DYRK1A: variants seen among roughly 807,000 people sequenced by gnomAD.
DYRK1A encodes dual specificity tyrosine-phosphorylation-regulated kinase 1A.
DYRK1A carries 9 observed loss-of-function variants against 79.7 expected under a neutral mutation model. The ratio of observed to expected loss-of-function variants is 0.11; its 90% confidence interval spans 0.07 to 0.20. DYRK1A has a LOEUF of 0.20. Ranked by LOEUF, DYRK1A falls within the 10% of genes least tolerant of loss-of-function variation. The pLI is 1.00. For missense variants in DYRK1A, 622 were observed against 956.0 expected (o/e 0.65, Z 4.61); for synonymous variants, 349 against 329.7 (o/e 1.06, Z -0.63).
intron 6 of DYRK1A, chr21:37,488,901 A>G: frequency 1.0e-6 from 1 of 974,856 alleles, no homozygotes; most frequent in Non-Finnish European, 1.2e-6. Flanking sequence ...AAACCTATAA[A>G]CTGAAGTGAC....
intron 9 of DYRK1A, chr21:37,504,819 G>A (rs1246095532): frequency 6.4e-6 from 1 of 155,674 alleles, no homozygotes; most frequent in Non-Finnish European, 1.4e-5. Flanking sequence ...GCTGAAGGAA[G>A]TGTAACAGGT....
rs566657427 is a variant in DYRK1A, at chr21:37,411,201, A to C, written c.-76-9098A>C. 3.6e-4 allele frequency among the ~76,000 whole-genome samples: 54 copies of C among 152,056 alleles called. 1 individual carries two copies. The South Asian group carries it at 0.01, about 29-fold the overall frequency. On this transcript the variant is annotated intron_variant, in intron 1 of 11. Transcript: ENST00000647188. ...GAAACCCTGTCTCTACTAAAAATACAAAAAATTAGCCAGGCGTGATGGTGT... is the reference window on the plus strand; with the variant it reads ...GAAACCCTGTCTCTACTAAAAATACCAAAAATTAGCCAGGCGTGATGGTGT...
In DYRK1A at chr21:37,518,399, A is replaced by C. The variant is rs564420482; in HGVS notation, c.*5868A>C. On this transcript the variant is annotated 3_prime_UTR_variant, in exon 12 of 12. Transcript: ENST00000647188. The stretch of plus-strand genomic sequence containing the variant: ...TGCTCAATCGGTACTCATCAATTTA[A>C]AATGACTGTCCAGCCTTGCTGCACA... The C allele has an allele frequency of 5.9e-5, 9 of 152,304 alleles. No homozygotes were observed. Among genetic ancestry groups the C allele is most frequent in the Non-Finnish European group, 1.3e-4 (9 of 68,024 alleles). 9.4% of individuals were successfully genotyped at this position (152,304 alleles called of 1,614,324 possible). A position where few individuals can be genotyped will look rare whatever the true frequency, so the allele number is the denominator to read the frequency against.
At chr21:37,495,168 G>GTA (rs200306579) in intron 8 of DYRK1A, among the ~76,000 whole-genome samples, 124 of 142,014 alleles carry the variant, frequency 8.7e-4, no homozygotes, top group African/African-American at 3.1e-3. Context: ...GTGTGTGTGT[G>GTA]TGTGTGTGTG....
At chr21:37,458,227 A>G (rs2051717979) in intron 2 of DYRK1A, among the ~76,000 whole-genome samples, 1 of 140,914 alleles carries the variant, frequency 7.1e-6, no homozygotes, top group Admixed American at 7.1e-5. Context: ...AGACAAAGTT[A>G]TGGTCAAGGG....
At chr21:37,494,462 A>G (rs1440933573) in intron 8 of DYRK1A, among the ~76,000 whole-genome samples, 2 of 151,784 alleles carry the variant, frequency 1.3e-5, no homozygotes, top group Non-Finnish European at 2.9e-5. Context: ...AACGCCAGCT[A>G]CAGGCCCATA....
chr21:37,369,685 A>G (rs1242358391), intron 1 of DYRK1A, among the ~76,000 whole-genome samples: 2 of 152,296 alleles, frequency 1.3e-5, no homozygotes, highest in Non-Finnish European at 2.9e-5. Flanking sequence ...ATGAAGGCAC[A>G]CTCCTTTTTA....
intron 5 of DYRK1A, among the ~76,000 whole-genome samples, chr21:37,484,066 CCCGTCAGATCAGCAG>C (rs1454406614): frequency 6.6e-6 from 1 of 152,288 alleles, no homozygotes; most frequent in African/African-American, 2.4e-5. Flanking sequence ...TGAGCTCCGC[CCCGTCAGATCAGCAG>C]CAGCGTTAGA....
At chr21:37,432,531 A>G (rs568954938) in intron 2 of DYRK1A, among the ~76,000 whole-genome samples, 1 of 152,280 alleles carries the variant, frequency 6.6e-6, no homozygotes, top group South Asian at 2.1e-4. Context: ...ACTTTTGAAT[A>G]TTTTTCCAAA....
chr21:37,476,594 T>C (rs2098611256), intron 3 of DYRK1A, among the ~76,000 whole-genome samples: 1 of 152,188 alleles, frequency 6.6e-6, no homozygotes, highest in Non-Finnish European at 1.5e-5. Flanking sequence ...AAGGGAAACC[T>C]TTCATCACCC....
At chr21:37,430,354 C>T in intron 2 of DYRK1A, 3 of 984,910 alleles carry the variant, frequency 3.0e-6, no homozygotes, top group Non-Finnish European at 3.6e-6. Context: ...GATACTGTGT[C>T]ACTGAGGTCG....
At chr21:37,488,564 C>A (rs772638993) in intron 6 of DYRK1A, 287 of 985,096 alleles carry the variant, frequency 2.9e-4, no homozygotes, top group Middle Eastern at 5.2e-4. Flanking sequence ...CAAAGTCTTG[C>A]CAGCCCTCCA....
intron 2 of DYRK1A, among the ~76,000 whole-genome samples, chr21:37,443,518 T>C (rs1447116798): frequency 6.6e-6 from 1 of 152,224 alleles, no homozygotes; most frequent in Non-Finnish European, 1.5e-5. Flanking sequence ...TTCTTGGCTT[T>C]TGTTCTGGAA....
intron 2 of DYRK1A, among the ~76,000 whole-genome samples, chr21:37,469,732 G>C (rs987523591): frequency 6.6e-6 from 1 of 150,778 alleles, no homozygotes; most frequent in Admixed American, 6.6e-5. Flanking sequence ...GATAGCACTA[G>C]GGGGGATGGT....
intron 5 of DYRK1A, among the ~76,000 whole-genome samples, chr21:37,483,827 C>T (rs1471956747): frequency 1.3e-5 from 2 of 152,126 alleles, no homozygotes; most frequent in Admixed American, 6.6e-5. Context: ...AACCAGTCCT[C>T]GCATCTCAGC....
intron 7 of DYRK1A, 145 bp from the exon 8 acceptor site, chr21:37,492,872 G>A (rs777031959): frequency 1.6e-5 from 9 of 575,306 alleles, no homozygotes; most frequent in Admixed American, 9.2e-5. Flanking sequence ...AGCCGTATTC[G>A]TAGTCTAATG....
chr21:37,496,281 T>G (rs761065334), intron 9 of DYRK1A, 23 bp downstream of exon 9: 2 of 1,586,804 alleles, frequency 1.3e-6, no homozygotes, highest in Non-Finnish European at 1.7e-6. Context: ...TATATCTGTT[T>G]TGAGCCTTTA....
In DYRK1A at chr21:37,492,944, A is replaced by T; in HGVS notation, c.925-73A>T. On this transcript the variant is annotated intron_variant, in intron 7 of 11. Coordinates refer to ENST00000647188, the MANE Select transcript of DYRK1A (RefSeq NM_001347721.2). ...GCCAATTCTTTTCTGTTAATATCAG[A>T]TCAATGTTTTTAATCCAATGCTGAC... The T allele has an allele frequency of 2.4e-6, 3 of 1,270,936 alleles. No individual in the cohort carries two copies. The South Asian group carries it at 4.6e-5, about 19-fold the overall frequency. 78.7% of individuals were successfully genotyped at this position (1,270,936 alleles called of 1,614,324 possible).
At chr21:37,374,148 G>A (rs1053835546) in intron 1 of DYRK1A, among the ~76,000 whole-genome samples, 8 of 151,848 alleles carry the variant, frequency 5.3e-5, no homozygotes, top group Admixed American at 2.0e-4. Context: ...CTTGTATCAC[G>A]TAAGCAATAT....
Sources: gnomAD v4.1 joint callset for allele counts (sites outside exome capture counted in the v4.1 genomes callset) on GRCh38, gnomAD v4.1.1 for gene constraint, MANE v1.5 for transcripts, NCBI Gene and HGNC (gene_info 2026-07-23, HGNC 2026-07-21) for gene names.